The following B3GALT1 variants were observed in gnomAD, a reference collection of about 807,000 sequenced individuals.
The protein encoded by B3GALT1 is UDP-Gal:betaGlcNAc beta 1,3-galactosyltransferase, polypeptide 1.
Under a neutral mutation model 23.2 loss-of-function variants are expected in B3GALT1, and 10 were observed. The observed-to-expected ratio is 0.43, with a 90% CI of 0.27 to 0.73. B3GALT1 has a LOEUF of 0.73. B3GALT1 is among the 30% of genes least tolerant of loss of function. The probability of loss-of-function intolerance (pLI) is 0.21; values close to 1 mark genes in which losing one functional copy is unlikely to be tolerated. For synonymous variants in B3GALT1, 156 were observed against 141.5 expected (o/e 1.10, Z -0.73); for missense variants, 299 against 405.4 (o/e 0.74, Z 2.25).
chr2:167,870,361 C>G lies in B3GALT1; in HGVS notation c.*341C>G, dbSNP rs769032248. ...TGAAACTCACAGTAATGTGTCATATCATCCCTGCAAAAATTAATACACAAA... is the reference window on the plus strand; with the variant it reads ...TGAAACTCACAGTAATGTGTCATATGATCCCTGCAAAAATTAATACACAAA... On this transcript the variant is annotated 3_prime_UTR_variant, in exon 5 of 5. Coordinates refer to ENST00000392690, the MANE Select transcript of B3GALT1 (RefSeq NM_020981.4). The G allele has an allele frequency of 4.3e-5, 9 of 208,034 alleles. No homozygotes were observed. The highest frequency in any genetic ancestry group is 9.5e-5 in the Non-Finnish European group (9 of 94,644). 12.9% of individuals were successfully genotyped at this position (208,034 alleles called of 1,614,324 possible).
intron 3 of B3GALT1, among the ~76,000 whole-genome samples, chr2:167,664,393 C>T (rs1419826455): frequency 4.7e-5 from 7 of 149,970 alleles, no homozygotes; most frequent in African/African-American, 1.3e-4. Context: ...AGTCAGGTAG[C>T]ATGATGCCTC....
At chr2:167,632,036 C>T (rs917829525) in intron 2 of B3GALT1, among the ~76,000 whole-genome samples, 2 of 151,656 alleles carry the variant, frequency 1.3e-5, no homozygotes, top group South Asian at 2.1e-4. Context: ...TGAGTGAGAA[C>T]ATGTGGTGTT....
intron 2 of B3GALT1, among the ~76,000 whole-genome samples, chr2:167,598,118 C>T (rs1375497871): frequency 1.3e-5 from 2 of 152,086 alleles, no homozygotes; most frequent in African/African-American, 4.8e-5. Context: ...AGAATTCTAG[C>T]AGATATTATG....
rs1189668357 is a variant in B3GALT1 at position 167,531,991 on chromosome 2, G to A, written c.-410+41714G>A. Among the ~76,000 whole-genome samples the A allele has an allele frequency of 2.0e-5, 3 of 152,126 alleles. No individual in the cohort carries two copies. The East Asian group carries it at 5.8e-4, about 29-fold the overall frequency. On this transcript the variant is annotated intron_variant, in intron 2 of 4. Coordinates refer to ENST00000392690, the MANE Select transcript of B3GALT1 (RefSeq NM_020981.4). The stretch of plus-strand genomic sequence containing the variant: ...GAAAACTTGCCTTTTTATTAGTAGT[G>A]GTTGTTTTGGTCCCATGCATTCCTC...
chr2:167,623,670 G>A (rs1053849727), intron 2 of B3GALT1, among the ~76,000 whole-genome samples: 3 of 151,992 alleles, frequency 2.0e-5, no homozygotes, highest in East Asian at 1.9e-4. Context: ...GTTGATGGGT[G>A]CACCAAACCA....
intron 1 of B3GALT1, among the ~76,000 whole-genome samples, chr2:167,335,197 C>T (rs1237024993): frequency 1.3e-5 from 2 of 151,200 alleles, no homozygotes; most frequent in African/African-American, 4.9e-5. Context: ...GAAAAAAAAA[C>T]GGTGGGCGGG....
intron 1 of B3GALT1, among the ~76,000 whole-genome samples, chr2:167,389,735 T>C (rs564152372): frequency 6.6e-6 from 1 of 152,032 alleles, no homozygotes; most frequent in East Asian, 1.9e-4. Context: ...AAAAAGAGGA[T>C]GGCCAGGTGA....
chr2:167,417,377 C>G (rs573141078), intron 1 of B3GALT1, among the ~76,000 whole-genome samples: 54 of 152,254 alleles, frequency 3.5e-4, no homozygotes, highest in Non-Finnish European at 7.1e-4. Flanking sequence ...GGGACTCTGC[C>G]CAGTTCCCAT....
intron 1 of B3GALT1, among the ~76,000 whole-genome samples, chr2:167,342,179 A>T (rs1237320258): frequency 6.6e-6 from 1 of 152,196 alleles, no homozygotes; most frequent in African/African-American, 2.4e-5. Context: ...GGGGAAATAG[A>T]GTGAGTAACA....
intron 3 of B3GALT1, among the ~76,000 whole-genome samples, chr2:167,813,731 G>T (rs1238207128): frequency 1.3e-5 from 2 of 152,136 alleles, no homozygotes; most frequent in Non-Finnish European, 2.9e-5. Flanking sequence ...GTGCAGCTTT[G>T]TTCAGAATAG....
rs573685353 is a variant in B3GALT1, at chr2:167,766,176, A to G, written c.-351-52496A>G. Among the ~76,000 whole-genome samples the G allele has an allele frequency of 1.8e-4, 28 of 152,314 alleles. No homozygotes were observed. In the East Asian group the frequency reaches 3.9e-3, roughly 21 times the overall value. ...CATGGCTTGGTCTGACAAAATACCAATGGAAAATCAAAGTTGGAACCAGTG... is the reference window on the plus strand; with the variant it reads ...CATGGCTTGGTCTGACAAAATACCAGTGGAAAATCAAAGTTGGAACCAGTG... On this transcript the variant is annotated intron_variant, in intron 3 of 4. Transcript: ENST00000392690.
At chr2:167,747,057 T>C (rs148155406) in intron 3 of B3GALT1, among the ~76,000 whole-genome samples, 13 of 152,320 alleles carry the variant, frequency 8.5e-5, no homozygotes, top group Non-Finnish European at 1.5e-4. Flanking sequence ...TAAATTCCGA[T>C]GATTTAAAGC....
intron 3 of B3GALT1, among the ~76,000 whole-genome samples, chr2:167,725,635 C>T (rs972950373): frequency 4.6e-5 from 7 of 152,118 alleles, no homozygotes; most frequent in African/African-American, 1.4e-4. Flanking sequence ...TCTTTTTGGA[C>T]CCTTAATATA....
At chr2:167,508,649 A>G in intron 2 of B3GALT1, among the ~76,000 whole-genome samples, 1 of 152,164 alleles carries the variant, frequency 6.6e-6, no homozygotes, top group East Asian at 1.9e-4. Context: ...TAATACTCAA[A>G]TTTTGGAAAT....
chr2:167,374,207 A>G (rs1697729192), intron 1 of B3GALT1, among the ~76,000 whole-genome samples: 1 of 152,146 alleles, frequency 6.6e-6, no homozygotes, highest in Non-Finnish European at 1.5e-5. Flanking sequence ...GGTTTCTTTT[A>G]TGACTGCATA....
intron 3 of B3GALT1, among the ~76,000 whole-genome samples, chr2:167,736,934 C>A (rs1032501825): frequency 5.9e-5 from 9 of 151,542 alleles, no homozygotes; most frequent in East Asian, 1.9e-4. Flanking sequence ...TCTGTCCCCC[C>A]CTTCCCCCCC....
At chr2:167,568,247 C>T (rs1404496150) in intron 2 of B3GALT1, among the ~76,000 whole-genome samples, 1 of 152,014 alleles carries the variant, frequency 6.6e-6, no homozygotes, top group East Asian at 1.9e-4. Flanking sequence ...AGCATAATTG[C>T]TCGTAGATAC....
intron 1 of B3GALT1, among the ~76,000 whole-genome samples, chr2:167,417,050 G>A (rs916352383): frequency 6.6e-6 from 1 of 152,248 alleles, no homozygotes; most frequent in Admixed American, 6.5e-5. Flanking sequence ...AGGCTATGGG[G>A]ATGGAATGAA....
intron 2 of B3GALT1, among the ~76,000 whole-genome samples, chr2:167,529,525 T>G (rs1017607108): frequency 2.4e-4 from 36 of 150,640 alleles, no homozygotes; most frequent in African/African-American, 8.3e-4. Context: ...GTAACTGAGA[T>G]GGGGACAGCT....
Sources: gnomAD v4.1 joint callset for allele counts (sites outside exome capture counted in the v4.1 genomes callset) on GRCh38, gnomAD v4.1.1 for gene constraint, MANE v1.5 for transcripts, NCBI Gene and HGNC (gene_info 2026-07-23, HGNC 2026-07-21) for gene names.